The following NXN variants were observed in gnomAD, a reference collection of about 807,000 sequenced individuals.
NXN encodes the protein nucleoredoxin 1.
NXN carries 16 observed loss-of-function variants against 48.6 expected under a neutral mutation model. The ratio of observed to expected loss-of-function variants is 0.33; its 90% CI spans 0.22 to 0.50. NXN has a LOEUF of 0.50. Among genes scored for constraint, NXN ranks in the 20% least tolerant of loss-of-function variants. The pLI is 0.98. For synonymous variants in NXN, 281 were observed against 269.6 expected (o/e 1.04, Z -0.41); for missense variants, 492 against 605.5 (o/e 0.81, Z 1.97).
At position 974,337 on chromosome 17, in the gene NXN, C is replaced by T. The variant is rs529170037; in HGVS notation, c.360+4982G>A. On this transcript the variant is annotated intron_variant, in intron 1 of 7. Transcript: ENST00000336868. Reference sequence around the variant, plus strand: ...CTGCACTCCAGCCTGGGTGACAGAGCGAGACTCCATCTCAAAAAAGTATAT... The same window carrying T: ...CTGCACTCCAGCCTGGGTGACAGAGTGAGACTCCATCTCAAAAAAGTATAT... Among the ~76,000 whole-genome samples, 9 of 151,536 alleles carry T rather than the reference C, an allele frequency of 5.9e-5. No homozygotes were observed. The East Asian group carries it at 9.8e-4, about 17-fold the overall frequency.
At chr17:853,715 ATATATATATT>A (rs1006489956) in intron 1 of NXN, among the ~76,000 whole-genome samples, 12 of 92,518 alleles carry the variant, frequency 1.3e-4, no homozygotes, top group Non-Finnish European at 1.7e-4. Context: ...ATATATATAT[ATATATATATT>A]TTTTTTTTTT....
chr17:939,726 C>T (rs532938879), intron 1 of NXN, among the ~76,000 whole-genome samples: 23 of 152,306 alleles, frequency 1.5e-4, no homozygotes, highest in African/African-American at 5.1e-4. Context: ...CACACACGTA[C>T]GTGCCTACAT....
At chr17:909,123 A>C (rs1032652913) in intron 1 of NXN, among the ~76,000 whole-genome samples, 37 of 137,482 alleles carry the variant, frequency 2.7e-4, no homozygotes, top group African/African-American at 9.5e-4. Flanking sequence ...AAAAAAAAAA[A>C]AAAACACTCC....
chr17:869,317 A>G (rs1452528848), intron 1 of NXN, among the ~76,000 whole-genome samples: 2 of 152,166 alleles, frequency 1.3e-5, no homozygotes, highest in Non-Finnish European at 2.9e-5. Flanking sequence ...CACCAACCCA[A>G]GAGTGATCCA....
In NXN at chr17:826,044, A is replaced by G. The variant is rs1266762064; in HGVS notation, c.395T>C (p.Ile132Thr). 6 of 1,613,892 alleles carry G rather than the reference A, an allele frequency of 3.7e-6. No individual in the cohort carries two copies. Among genetic ancestry groups the G allele is most frequent in the Non-Finnish European group, 5.1e-6 (6 of 1,179,876 alleles). The change falls in exon 2 of 8, where the codon ATT becomes ACT. Residue 132 changes from isoleucine (I) to threonine (T), a missense_variant. Coordinates refer to ENST00000336868, the MANE Select transcript of NXN (RefSeq NM_022463.5). ...GGCGTCGAGGAATATTAGTGATGGA[A>G]TGTTGGAAATTCGGTATTTGTTCCA... ...KLWNKYRISN[I>T]PSLIFLDATT... is the part of the protein sequence containing the mutation.
rs141759992 is a variant in NXN at position 902,251 on chromosome 17, T to G, written c.361-76173A>C. 9.5e-4 allele frequency among the ~76,000 whole-genome samples: 145 copies of G among 152,314 alleles called. 1 individual carries two copies. The East Asian group carries it at 0.022, about 23-fold the overall frequency. The stretch of plus-strand genomic sequence containing the variant: ...CCACGTCCGCCGTCCGTTCCAGACA[T>G]AAGCCAACGCTCGCTCTGGCGTTCT... On this transcript the variant is annotated intron_variant, in intron 1 of 7. Transcript: ENST00000336868.
intron 1 of NXN, among the ~76,000 whole-genome samples, chr17:947,153 C>T (rs2069052806): frequency 6.6e-6 from 1 of 152,148 alleles, no homozygotes; most frequent in African/African-American, 2.4e-5. Context: ...GGTTACGAAC[C>T]CCATTCTAGA....
intron 1 of NXN, among the ~76,000 whole-genome samples, chr17:943,543 T>C (rs1373746759): frequency 2.0e-5 from 3 of 152,288 alleles, no homozygotes; most frequent in Admixed American, 6.5e-5. Context: ...ATTACCGGGC[T>C]GGGCACAGTG....
chr17:865,111 C>A (rs2068082468), intron 1 of NXN, among the ~76,000 whole-genome samples: 1 of 152,166 alleles, frequency 6.6e-6, no homozygotes, highest in Non-Finnish European at 1.5e-5. Context: ...ATCTTTCTCG[C>A]TCGATATTGT....
intron 1 of NXN, among the ~76,000 whole-genome samples, chr17:874,151 C>T (rs1224501589): frequency 1.3e-5 from 2 of 152,144 alleles, no homozygotes; most frequent in Non-Finnish European, 2.9e-5. Flanking sequence ...ATAAGGGACT[C>T]GTCCCCCTTC....
chr17:807,659 C>T (rs1056366886), intron 5 of NXN, among the ~76,000 whole-genome samples: 25 of 152,342 alleles, frequency 1.6e-4, no homozygotes, highest in Admixed American at 1.4e-3. Flanking sequence ...CGGGACGGGC[C>T]GTGTTGGGCC....
rs1460059594 is a variant in NXN at position 872,176 on chromosome 17, G to C, written c.361-46098C>G. Among the ~76,000 whole-genome samples, 5 of 150,128 alleles carry C rather than the reference G, an allele frequency of 3.3e-5. No homozygotes were observed. In the South Asian group the frequency reaches 8.6e-4, roughly 26 times the overall value. On this transcript the variant is annotated intron_variant, in intron 1 of 7. Coordinates refer to ENST00000336868, the MANE Select transcript of NXN (RefSeq NM_022463.5). ...TCAGAGGCCACGATGCTGAACCCGTGAATCAAAGACAAGAGGAGAGGGAGG... is the reference window on the plus strand; with the variant it reads ...TCAGAGGCCACGATGCTGAACCCGTCAATCAAAGACAAGAGGAGAGGGAGG...
At chr17:813,317 G>C (rs1367847926) in intron 5 of NXN, among the ~76,000 whole-genome samples, 1 of 152,234 alleles carries the variant, frequency 6.6e-6, no homozygotes, top group Non-Finnish European at 1.5e-5. Context: ...TGGCTTCTAA[G>C]ACTAGAGAGA....
chr17:893,668 GCA>G lies in NXN; in HGVS notation c.361-67592_361-67591del, dbSNP rs1381058441. ...TCTCAACCCCTGGAAGCCAGAGGAA[GCA>G]TCTCAACTCCCTGGAAGCCAGAGGA... On this transcript the variant is annotated intron_variant, in intron 1 of 7. Transcript: ENST00000336868. Among the ~76,000 whole-genome samples the G allele has an allele frequency of 8.1e-4, 33 of 40,762 alleles. 2 individuals carry two copies. The highest frequency in any genetic ancestry group is 3.4e-3 in the South Asian group (3 of 876). 26.7% of individuals were successfully genotyped at this position (40,762 alleles called of 152,430 possible).
At chr17:924,516 G>T (rs959653858) in intron 1 of NXN, among the ~76,000 whole-genome samples, 1 of 152,226 alleles carries the variant, frequency 6.6e-6, no homozygotes, top group Non-Finnish European at 1.5e-5. Context: ...GGATTACAGG[G>T]ATGAGCCACT....
chr17:864,429 C>G (rs1036613440), intron 1 of NXN, among the ~76,000 whole-genome samples: 1 of 152,198 alleles, frequency 6.6e-6, no homozygotes, highest in South Asian at 2.1e-4. Flanking sequence ...GACAAGACAC[C>G]AGCCTCAACG....
chr17:872,536 G>T (rs534812561), intron 1 of NXN, among the ~76,000 whole-genome samples: 7 of 150,566 alleles, frequency 4.6e-5, no homozygotes, highest in Admixed American at 4.6e-4. Context: ...GTGCCAACAT[G>T]AGTGAGCTAG....
chr17:809,599 A>T (rs887855040), intron 5 of NXN, among the ~76,000 whole-genome samples: 1 of 152,184 alleles, frequency 6.6e-6, no homozygotes, highest in African/African-American at 2.4e-5. Flanking sequence ...GGCAGCCAGG[A>T]GGAATTACCC....
intron 1 of NXN, among the ~76,000 whole-genome samples, chr17:873,870 G>A (rs986140314): frequency 7.2e-5 from 11 of 152,132 alleles, no homozygotes; most frequent in Non-Finnish European, 1.0e-4. Context: ...GGAAACACAC[G>A]GGTTCTGGTG....
Sources: allele counts gnomAD v4.1 joint callset (sites outside exome capture counted in the v4.1 genomes callset), GRCh38; gene constraint gnomAD v4.1.1; transcripts MANE v1.5; gene names NCBI Gene and HGNC (gene_info 2026-07-23, HGNC 2026-07-21).